The following TRAF3IP1 variants were observed in gnomAD, a reference collection of about 807,000 sequenced individuals.
TRAF3IP1 encodes the protein TRAF3-interacting protein 1.
A neutral mutation model predicts 89.9 loss-of-function variants in TRAF3IP1; 53 were observed. The ratio of observed to expected loss-of-function variants is 0.59; its 90% confidence interval spans 0.47 to 0.74. The LOEUF (loss-of-function observed/expected upper bound fraction) is 0.74, where lower values mean the gene tolerates loss of function less well. TRAF3IP1 is among the 30% of genes least tolerant of loss of function. The probability of loss-of-function intolerance (pLI) is 0.00; values close to 1 mark genes in which losing one functional copy is unlikely to be tolerated. For missense variants in TRAF3IP1, 806 were observed against 866.1 expected, an observed-to-expected ratio of 0.93 and a Z score of 0.87; for synonymous variants, 311 against 322.1, an observed-to-expected ratio of 0.97 and a Z score of 0.37.
chr2:238,396,226 G>T (rs1019524596), intron 15 of TRAF3IP1, among the ~76,000 whole-genome samples: 2 of 152,110 alleles, frequency 1.3e-5, no homozygotes, highest in Admixed American at 6.5e-5. Context: ...CATGTCCTTT[G>T]TAGGGACATG....
intron 14 of TRAF3IP1, among the ~76,000 whole-genome samples, chr2:238,355,026 CCT>C (rs1699348059): frequency 6.6e-6 from 1 of 152,030 alleles, no homozygotes; most frequent in Admixed American, 6.6e-5. Flanking sequence ...AGTCAGTTAC[CCT>C]GTTTTAAAGT....
At chr2:238,325,092 G>C (rs975918665) in intron 1 of TRAF3IP1, among the ~76,000 whole-genome samples, 1 of 152,150 alleles carries the variant, frequency 6.6e-6, no homozygotes, top group African/African-American at 2.4e-5. Context: ...ATCTTTACCT[G>C]TCTGTCCACA....
chr2:238,368,932 C>G (rs1430824592), intron 15 of TRAF3IP1, among the ~76,000 whole-genome samples: 1 of 152,146 alleles, frequency 6.6e-6, no homozygotes, highest in Non-Finnish European at 1.5e-5. Flanking sequence ...CTCGGCCTCC[C>G]AAAGTGCTGG....
intron 15 of TRAF3IP1, among the ~76,000 whole-genome samples, chr2:238,377,912 T>C (rs1700384946): frequency 6.6e-6 from 1 of 152,172 alleles, no homozygotes; most frequent in Non-Finnish European, 1.5e-5. Flanking sequence ...TTCGAGTCCA[T>C]TTTGACTGTC....
intron 6 of TRAF3IP1, among the ~76,000 whole-genome samples, 182 bp from the exon 7 acceptor site, chr2:238,333,778 C>A (rs1229356553): frequency 6.6e-6 from 1 of 152,134 alleles, no homozygotes; most frequent in African/African-American, 2.4e-5. Flanking sequence ...AGGGTTTTGG[C>A]CTCCGTGTAA....
chr2:238,330,079 T>C (rs894155118), intron 5 of TRAF3IP1, among the ~76,000 whole-genome samples: 5 of 152,222 alleles, frequency 3.3e-5, no homozygotes, highest in African/African-American at 1.2e-4. Flanking sequence ...GTCATTTGTG[T>C]CACTCTCAGT....
At position 238,328,967 on chromosome 2, in the gene TRAF3IP1, A is replaced by C; in HGVS notation, c.540A>C (p.Arg180Ser). The change falls in exon 5 of 17, where the codon AGA becomes AGC. Residue 180 changes from arginine (R) to serine (S), a missense_variant. Around this residue, in one of 3 missense-constraint regions of TRAF3IP1, gnomAD observed 732 missense variants for 780.5 expected, o/e 0.94. Coordinates refer to ENST00000373327, the MANE Select transcript of TRAF3IP1 (RefSeq NM_015650.4). Reference sequence around the variant, plus strand: ...AAATAAAAGAGAGAAGTACAAGCAGAGATCGAAAACAGAAGGAAGAATTGA... The same window carrying C: ...AAATAAAAGAGAGAAGTACAAGCAGCGATCGAAAACAGAAGGAAGAATTGA... ...DAEIKERSTS[R>S]DRKQKEELKE... 2 of 1,554,294 alleles carry C rather than the reference A, an allele frequency of 1.3e-6. No homozygotes were observed. Among genetic ancestry groups the C allele is most frequent in the Non-Finnish European group, 1.7e-6 (2 of 1,149,338 alleles).
rs1174017186 is a variant in TRAF3IP1 at position 238,399,534 on chromosome 2, C to T, written c.*615C>T. The T allele has an allele frequency of 6.6e-6, 1 of 152,072 alleles. No homozygotes were observed. The highest frequency in any genetic ancestry group is 1.5e-5 in the Non-Finnish European group (1 of 68,028). The allele number at this position is 152,072 out of a possible 1,614,324, so 9.4% of individuals were successfully genotyped here. ...TATGTAATTTTCCTCTTGATCTCTA[C>T]TATCGTTTGCTTGTGTTTCTAGTCC... On this transcript the variant is annotated 3_prime_UTR_variant, in exon 17 of 17. Transcript: ENST00000373327.
At chr2:238,343,323 A>T (rs543009814) in intron 8 of TRAF3IP1, among the ~76,000 whole-genome samples, 1 of 152,092 alleles carries the variant, frequency 6.6e-6, no homozygotes, top group East Asian at 1.9e-4. Context: ...TGAGCTCATG[A>T]TCCACCGGCC....
At chr2:238,322,144 G>A (rs1239446693) in intron 1 of TRAF3IP1, among the ~76,000 whole-genome samples, 1 of 152,214 alleles carries the variant, frequency 6.6e-6, no homozygotes, top group Non-Finnish European at 1.5e-5. Flanking sequence ...CATCACCACC[G>A]TCCCGTGAAG....
At chr2:238,376,310 A>G (rs1431253179) in intron 15 of TRAF3IP1, among the ~76,000 whole-genome samples, 2 of 152,194 alleles carry the variant, frequency 1.3e-5, no homozygotes, top group Non-Finnish European at 1.5e-5. Flanking sequence ...CTCATGGGCT[A>G]TAGAGAAATC....
intron 15 of TRAF3IP1, 66 bp from the exon 16 acceptor site, chr2:238,397,393 C>T: frequency 5.6e-6 from 8 of 1,438,540 alleles, no homozygotes; most frequent in Non-Finnish European, 7.8e-6. Flanking sequence ...GTGCTGAGTG[C>T]ACCGGCCCTG....
intron 8 of TRAF3IP1, among the ~76,000 whole-genome samples, chr2:238,339,105 C>A (rs1698515521): frequency 6.6e-6 from 1 of 152,192 alleles, no homozygotes; most frequent in Non-Finnish European, 1.5e-5. Context: ...TGCCTTGTAT[C>A]TGTCTGACTT....
At chr2:238,386,458 G>A (rs1700778030) in intron 15 of TRAF3IP1, among the ~76,000 whole-genome samples, 2 of 152,138 alleles carry the variant, frequency 1.3e-5, no homozygotes, top group Admixed American at 1.3e-4. Flanking sequence ...GACTACAGGT[G>A]TGCGCCACCA....
At chr2:238,346,394 G>T (rs1209236235) in intron 9 of TRAF3IP1, among the ~76,000 whole-genome samples, 1 of 152,186 alleles carries the variant, frequency 6.6e-6, no homozygotes. Context: ...CCCCTGTGCT[G>T]TGGCACTTTG....
intron 15 of TRAF3IP1, among the ~76,000 whole-genome samples, chr2:238,376,025 C>T (rs1003068152): frequency 1.3e-5 from 2 of 152,022 alleles, no homozygotes; most frequent in East Asian, 3.9e-4. Flanking sequence ...TGTTCTCTGC[C>T]CCAGAGGTTA....
At chr2:238,397,396 C>G in intron 15 of TRAF3IP1, 63 bp from the exon 16 acceptor site, 1 of 1,481,714 alleles carries the variant, frequency 6.7e-7, no homozygotes, top group Non-Finnish European at 9.4e-7. Flanking sequence ...CTGAGTGCAC[C>G]GGCCCTGTTC....
At position 238,320,555 on chromosome 2, in the gene TRAF3IP1, A is replaced by C. The variant is rs1328700178; in HGVS notation, c.-108A>C. The C allele has an allele frequency of 1.3e-5, 13 of 1,034,344 alleles. No individual in the cohort carries two copies. The highest frequency in any genetic ancestry group is 1.3e-5 in the Non-Finnish European group (11 of 863,342). 64.1% of individuals were successfully genotyped at this position (1,034,344 alleles called of 1,614,324 possible). ...GGAAACCGGAGCGGCGCGTCCTGGC[A>C]GGACCGGGCGGCGGCGGCGGCGGGG... On this transcript the variant is annotated 5_prime_UTR_variant, in exon 1 of 17. Transcript: ENST00000373327.
chr2:238,354,663 A>G (rs35007014), intron 14 of TRAF3IP1, among the ~76,000 whole-genome samples: 32,567 of 151,854 alleles, frequency 0.21, 4,203 homozygotes, highest in South Asian at 0.28. Flanking sequence ...TTATGTATTT[A>G]TTTTTGACAT....
Sources: allele counts gnomAD v4.1 joint callset (sites outside exome capture counted in the v4.1 genomes callset), GRCh38; gene constraint gnomAD v4.1.1; regional missense constraint gnomAD v4.1.1; transcripts MANE v1.5; gene names NCBI Gene and HGNC (gene_info 2026-07-23, HGNC 2026-07-21).